AUTS2: variants seen among roughly 807,000 people sequenced by gnomAD.
The protein encoded by AUTS2 is activator of transcription and developmental regulator AUTS2.
A neutral mutation model predicts 112.4 loss-of-function variants in AUTS2; 17 were observed. The ratio of observed to expected loss-of-function variants is 0.15; its 90% CI spans 0.10 to 0.23. The LOEUF (loss-of-function observed/expected upper bound fraction) is 0.23. Among genes scored for constraint, AUTS2 ranks in the 10% least tolerant of loss-of-function variants. The pLI is 1.00. For synonymous variants in AUTS2, 751 were observed against 702.7 expected (o/e 1.07, Z -1.09); for missense variants, 1,510 against 1,701.6 (o/e 0.89, Z 1.98).
chr7:70,272,446 T>C (rs1787737969), intron 4 of AUTS2, among the ~76,000 whole-genome samples: 2 of 152,174 alleles, frequency 1.3e-5, no homozygotes, highest in African/African-American at 4.8e-5. Context: ...GACATGTAAT[T>C]CCTGATGGGG....
chr7:70,105,468 A>G (rs1804718736), intron 2 of AUTS2, among the ~76,000 whole-genome samples: 2 of 152,024 alleles, frequency 1.3e-5, no homozygotes, highest in Non-Finnish European at 2.9e-5. Flanking sequence ...TATGTTTCCC[A>G]CGCTGATCTT....
intron 2 of AUTS2, among the ~76,000 whole-genome samples, chr7:69,986,127 C>T (rs1357017032): frequency 6.6e-6 from 1 of 152,118 alleles, no homozygotes; most frequent in African/African-American, 2.4e-5. Context: ...TTATAAACAT[C>T]TGAAATTACC....
chr7:69,887,631 G>C (rs7790458), intron 1 of AUTS2, among the ~76,000 whole-genome samples: 1 of 151,960 alleles, frequency 6.6e-6, no homozygotes, highest in African/African-American at 2.4e-5. Flanking sequence ...AGAAGAAAGC[G>C]AAACATTTTT....
intron 4 of AUTS2, among the ~76,000 whole-genome samples, chr7:70,408,911 A>C (rs1794657577): frequency 6.6e-6 from 1 of 152,226 alleles, no homozygotes; most frequent in Admixed American, 6.5e-5. Context: ...CAGTTTTTCC[A>C]ACCTAAAGAG....
At chr7:70,729,031 C>A in intron 6 of AUTS2, 1 of 380,636 alleles carries the variant, frequency 2.6e-6, no homozygotes. Context: ...GCAGGATTAG[C>A]AGCCTGGGAG....
intron 4 of AUTS2, among the ~76,000 whole-genome samples, chr7:70,232,936 TTTGA>T (rs1812135241): frequency 6.6e-6 from 1 of 152,212 alleles, no homozygotes; most frequent in East Asian, 1.9e-4. Flanking sequence ...AAAAATAGTA[TTTGA>T]TTGAAGATTA....
intron 6 of AUTS2, among the ~76,000 whole-genome samples, chr7:70,749,441 A>C (rs1788664264): frequency 6.6e-6 from 1 of 152,192 alleles, no homozygotes; most frequent in African/African-American, 2.4e-5. Flanking sequence ...CACTGGGAAT[A>C]GTGAGGCTGT....
chr7:70,576,853 A>C lies in AUTS2; in HGVS notation c.691-121716A>C, dbSNP rs137930376. ...TAAGCAAAGCAGTGGAGAGGGCAATATTATGCTGTGTTTACCAAACAGCTT... is the reference window on the plus strand; with the variant it reads ...TAAGCAAAGCAGTGGAGAGGGCAATCTTATGCTGTGTTTACCAAACAGCTT... On this transcript the variant is annotated intron_variant, in intron 5 of 18. Coordinates refer to ENST00000342771, the MANE Select transcript of AUTS2 (RefSeq NM_015570.4). 7.2e-5 allele frequency among the ~76,000 whole-genome samples: 11 copies of C among 152,310 alleles called. No homozygotes were observed. In the East Asian group the frequency reaches 1.9e-3, roughly 27 times the overall value.
At chr7:70,309,321 C>T (rs961444375) in intron 4 of AUTS2, among the ~76,000 whole-genome samples, 3 of 152,088 alleles carry the variant, frequency 2.0e-5, no homozygotes, top group Admixed American at 6.5e-5. Flanking sequence ...TTTGATAGTG[C>T]GGAGATCAGG....
chr7:69,696,659 G>A lies in AUTS2; in HGVS notation c.309+96697G>A, dbSNP rs569254304. Among the ~76,000 whole-genome samples, 107 of 152,126 alleles carry A rather than the reference G, an allele frequency of 7.0e-4. 1 individual carries two copies. Among genetic ancestry groups the A allele is most frequent in the Non-Finnish European group, 9.7e-4 (66 of 68,014 alleles). ...TGAATGTCTTTTAGTTGTTTGAGTTGGAGATAAATGCAGAATGACCTCCAT... is the reference window on the plus strand; with the variant it reads ...TGAATGTCTTTTAGTTGTTTGAGTTAGAGATAAATGCAGAATGACCTCCAT... On this transcript the variant is annotated intron_variant, in intron 1 of 18. Coordinates refer to ENST00000342771, the MANE Select transcript of AUTS2 (RefSeq NM_015570.4).
At chr7:69,988,741 C>T (rs1469192348) in intron 2 of AUTS2, among the ~76,000 whole-genome samples, 4 of 152,206 alleles carry the variant, frequency 2.6e-5, no homozygotes, top group Non-Finnish European at 4.4e-5. Flanking sequence ...TTTAACAACA[C>T]ATCCCCCTCT....
chr7:70,739,663 G>A lies in AUTS2; in HGVS notation c.743-23207G>A, dbSNP rs187828377. 1.4e-3 allele frequency among the ~76,000 whole-genome samples: 207 copies of A among 152,170 alleles called. 3 individuals carry two copies. The highest frequency in any genetic ancestry group is 0.013 in the Admixed American group (198 of 15,288). ...TTGTTTGGAGGACCATCTTAAAGGTGTGATCTGTACTCAGCCATTTGTCTG... is the reference window on the plus strand; with the variant it reads ...TTGTTTGGAGGACCATCTTAAAGGTATGATCTGTACTCAGCCATTTGTCTG... On this transcript the variant is annotated intron_variant, in intron 6 of 18. Coordinates refer to ENST00000342771, the MANE Select transcript of AUTS2 (RefSeq NM_015570.4).
At chr7:70,655,291 C>G (rs1386881528) in intron 5 of AUTS2, among the ~76,000 whole-genome samples, 1 of 152,226 alleles carries the variant, frequency 6.6e-6, no homozygotes, top group African/African-American at 2.4e-5. Context: ...GAGTGTTTCC[C>G]TGTTTTATCA....
At chr7:69,757,212 T>C (rs984686685) in intron 1 of AUTS2, among the ~76,000 whole-genome samples, 1 of 152,208 alleles carries the variant, frequency 6.6e-6, no homozygotes, top group Non-Finnish European at 1.5e-5. Flanking sequence ...AGCCAAATAA[T>C]GTCTCTGCTT....
intron 4 of AUTS2, among the ~76,000 whole-genome samples, chr7:70,397,296 C>T (rs1794130596): frequency 6.6e-6 from 1 of 152,006 alleles, no homozygotes; most frequent in Non-Finnish European, 1.5e-5. Flanking sequence ...AACTCCTGAC[C>T]TCAGGTGATC....
intron 1 of AUTS2, among the ~76,000 whole-genome samples, chr7:69,737,292 A>G (rs752014675): frequency 3.9e-5 from 6 of 152,176 alleles, no homozygotes; most frequent in Non-Finnish European, 7.3e-5. Context: ...ATCAAATGCT[A>G]TTAATGTACC....
At chr7:70,306,500 A>G (rs1336716728) in intron 4 of AUTS2, among the ~76,000 whole-genome samples, 1 of 152,226 alleles carries the variant, frequency 6.6e-6, no homozygotes, top group Non-Finnish European at 1.5e-5. Context: ...TATACAAAAC[A>G]TAAATATTAG....
At chr7:70,643,527 C>T (rs1302778088) in intron 5 of AUTS2, among the ~76,000 whole-genome samples, 8 of 152,038 alleles carry the variant, frequency 5.3e-5, no homozygotes, top group African/African-American at 9.7e-5. Flanking sequence ...GCTGGGATTA[C>T]GCCACTGCAC....
intron 1 of AUTS2, among the ~76,000 whole-genome samples, chr7:69,699,397 G>A (rs543141215): frequency 1.5e-3 from 223 of 151,996 alleles, no homozygotes; most frequent in Non-Finnish European, 2.4e-3. Context: ...GTATGCTCTC[G>A]CTTTTTCTGC....
Sources: gnomAD v4.1 joint callset for allele counts (sites outside exome capture counted in the v4.1 genomes callset) on GRCh38, gnomAD v4.1.1 for gene constraint, MANE v1.5 for transcripts, NCBI Gene and HGNC (gene_info 2026-07-23, HGNC 2026-07-21) for gene names.